Variants in CCDC69 observed in about 807,000 individuals in gnomAD.
CCDC69 encodes coiled-coil domain-containing protein 69.
CCDC69 carries 38 observed loss-of-function variants against 40.3 expected under a neutral mutation model. That is an observed-to-expected ratio of 0.94 (90% CI 0.73 to 1.24). CCDC69 has a LOEUF of 1.24. Among genes scored for constraint, CCDC69 ranks in the 50% most tolerant of loss-of-function variants. CCDC69 has a pLI of 0.00. For synonymous variants in CCDC69, 141 were observed against 138.9 expected, an observed-to-expected ratio of 1.02 and a Z score of -0.11; for missense variants, 389 against 357.9, an observed-to-expected ratio of 1.09 and a Z score of -0.70.
At chr5:151,222,066 T>G (rs1441278806) in intron 1 of CCDC69, among the ~76,000 whole-genome samples, 2 of 152,220 alleles carry the variant, frequency 1.3e-5, no homozygotes, top group Admixed American at 6.5e-5. Flanking sequence ...GCTAAAGTCA[T>G]CAAGAAGCCA....
chr5:151,211,231 G>A (rs1036644102), intron 1 of CCDC69: 1 of 152,244 alleles, frequency 6.6e-6, no homozygotes, highest in East Asian at 1.9e-4. Context: ...CTCCTGACCT[G>A]CCCTGGGGCG....
intron 2 of CCDC69, among the ~76,000 whole-genome samples, chr5:151,202,414 GC>G (rs962514106): frequency 6.6e-6 from 1 of 152,144 alleles, no homozygotes; most frequent in Non-Finnish European, 1.5e-5. Context: ...TAACTGGGAA[GC>G]TTTTACTTAA....
intron 2 of CCDC69, among the ~76,000 whole-genome samples, chr5:151,203,181 C>T (rs1037762616): frequency 6.6e-6 from 1 of 152,020 alleles, no homozygotes; most frequent in Non-Finnish European, 1.5e-5. Flanking sequence ...AGCAAATACT[C>T]CTAACTACCA....
At chr5:151,186,152 T>A in intron 5 of CCDC69, 28 bp from the exon 6 acceptor site, 1 of 1,493,778 alleles carries the variant, frequency 6.7e-7, no homozygotes, top group Non-Finnish European at 9.3e-7. Context: ...ATGGAGACAA[T>A]CAAAGCCTGC....
Position 151,183,342 on chromosome 5 carries a change from C to A in CCDC69, c.*95G>T. 7.1e-7 allele frequency: 1 copy of A among 1,410,284 alleles called. No homozygotes were observed. Among genetic ancestry groups the A allele is most frequent in the East Asian group, 2.4e-5 (1 of 40,846 alleles). 87.4% of individuals were successfully genotyped at this position (1,410,284 alleles called of 1,614,324 possible). On this transcript the variant is annotated 3_prime_UTR_variant, in exon 9 of 9. Coordinates refer to ENST00000355417, the MANE Select transcript of CCDC69 (RefSeq NM_015621.3). The stretch of plus-strand genomic sequence containing the variant: ...ATCTCGCTCCCACCCTCGTTCCTTC[C>A]TGGAAAAGAACTGAGAGGCTCCTGC...
At chr5:151,220,630 C>T (rs1753119642) in intron 1 of CCDC69, among the ~76,000 whole-genome samples, 1 of 152,162 alleles carries the variant, frequency 6.6e-6, no homozygotes, top group African/African-American at 2.4e-5. Flanking sequence ...CACCTGAGGC[C>T]CAGCTTTGGC....
At chr5:151,191,024 A>G (rs986245711) in intron 4 of CCDC69, among the ~76,000 whole-genome samples, 2 of 152,052 alleles carry the variant, frequency 1.3e-5, no homozygotes, top group African/African-American at 2.4e-5. Flanking sequence ...CATACCCCAA[A>G]CCTCAGCATC....
chr5:151,191,720 G>T (rs548528070), intron 4 of CCDC69, among the ~76,000 whole-genome samples: 2 of 152,292 alleles, frequency 1.3e-5, no homozygotes, highest in Non-Finnish European at 2.9e-5. Flanking sequence ...GAGTTTAGGA[G>T]AAAATTTATA....
At chr5:151,198,602 A>G (rs116784936) in intron 4 of CCDC69, among the ~76,000 whole-genome samples, 2,732 of 152,342 alleles carry the variant, frequency 0.018, 34 homozygotes, top group Middle Eastern at 0.071. Flanking sequence ...CTTTGGTGAT[A>G]TAAGAGGAAA....
At chr5:151,184,571 C>G in intron 7 of CCDC69, 130 bp from the exon 8 acceptor site, 1 of 574,980 alleles carries the variant, frequency 1.7e-6, no homozygotes, top group East Asian at 2.9e-5. Context: ...TTTCATGGAG[C>G]AATAAGGTAA....
intron 1 of CCDC69, among the ~76,000 whole-genome samples, chr5:151,222,509 C>T (rs1753148872): frequency 6.6e-6 from 1 of 152,234 alleles, no homozygotes; most frequent in African/African-American, 2.4e-5. Context: ...CTCTCAGATG[C>T]TTAGGGATCA....
At chr5:151,203,588 ATATTTATATATTAGTAAATATATATATT>A in intron 2 of CCDC69, among the ~76,000 whole-genome samples, 1 of 142,820 alleles carries the variant, frequency 7.0e-6, no homozygotes, top group African/African-American at 2.6e-5. Context: ...GTAAATATAT[ATATTTATATATTAGTAAATATATATATT>A]TAGTTATATA....
At chr5:151,192,666 G>A (rs762389244) in intron 4 of CCDC69, among the ~76,000 whole-genome samples, 7 of 152,134 alleles carry the variant, frequency 4.6e-5, no homozygotes, top group Non-Finnish European at 8.8e-5. Flanking sequence ...TTACTACATG[G>A]GGCAAGCTTT....
Position 151,183,522 on chromosome 5 carries a change from A to G in CCDC69, c.806T>C (p.Leu269Ser). The G allele has an allele frequency of 1.9e-6, 3 of 1,609,854 alleles. No individual in the cohort carries two copies. Among genetic ancestry groups the G allele is most frequent in the Non-Finnish European group, 1.7e-6 (2 of 1,178,700 alleles). Residue 269 changes from leucine (L) to serine (S), a missense_variant, in exon 9 of 9, where the codon TTG becomes TCG. Transcript: ENST00000355417. Reference sequence around the variant, plus strand: ...GGCATTGGCCCCAAGGACCCGGTACAACAGCTCCTCCTTCTCCTGCTGGAG... The same window carrying G: ...GGCATTGGCCCCAAGGACCCGGTACGACAGCTCCTCCTTCTCCTGCTGGAG... ...RQLQQEKEEL[L>S]YRVLGANASP...
rs248428 is a variant in CCDC69 at position 151,185,414 on chromosome 5, T to C, written c.615+8A>G. 726,400 of 1,611,780 alleles carry C rather than the reference T, an allele frequency of 0.45. 164,660 individuals carry two copies. Among genetic ancestry groups the C allele is most frequent in the Middle Eastern group, 0.47 (2,822 of 6,048 alleles). ...GGCTGCATCCCCCAGCCACTCCCAG[T>C]CACAGACCACTGTTTCCATGAGGAT... On this transcript the variant is annotated splice_region_variant and intron_variant, in intron 7 of 8. Coordinates refer to ENST00000355417, the MANE Select transcript of CCDC69 (RefSeq NM_015621.3).
chr5:151,201,143 G>A (rs555461683), intron 3 of CCDC69, among the ~76,000 whole-genome samples: 11 of 152,244 alleles, frequency 7.2e-5, no homozygotes, highest in African/African-American at 1.9e-4. Flanking sequence ...CTGATAGAGC[G>A]GCCATTACAA....
chr5:151,223,863 CG>C lies in CCDC69; in HGVS notation c.48+59del. On this transcript the variant is annotated intron_variant, in intron 1 of 8. Coordinates refer to ENST00000355417, the MANE Select transcript of CCDC69 (RefSeq NM_015621.3). Reference sequence around the variant, plus strand: ...GCCCGGGGCGCCGAGTCCTCTGCGGCGGAGCGATTCCGCACTCCCCTCTCCT... The same window carrying C: ...GCCCGGGGCGCCGAGTCCTCTGCGGCGAGCGATTCCGCACTCCCCTCTCCT... 3 of 1,532,560 alleles carry C rather than the reference CG, an allele frequency of 2.0e-6. No homozygotes were observed. The South Asian group carries it at 3.4e-5, about 18-fold the overall frequency. The allele number at this position is 1,532,560 out of a possible 1,614,324, so 94.9% of individuals were successfully genotyped here.
In CCDC69 at chr5:151,218,390, C is replaced by G. The variant is rs115695174; in HGVS notation, c.48+5533G>C. Among the ~76,000 whole-genome samples the G allele has an allele frequency of 3.6e-3, 546 of 152,316 alleles. 3 individuals carry two copies. The highest frequency in any genetic ancestry group is 0.013 in the African/African-American group (520 of 41,572). ...CTCACAGTGCTGAGGGAGGATGATGCAGAGGACCGAGTGCCAGCCGTGTGG... is the reference window on the plus strand; with the variant it reads ...CTCACAGTGCTGAGGGAGGATGATGGAGAGGACCGAGTGCCAGCCGTGTGG... On this transcript the variant is annotated intron_variant, in intron 1 of 8. Transcript: ENST00000355417.
chr5:151,207,013 C>A (rs999257563), intron 1 of CCDC69, among the ~76,000 whole-genome samples: 2 of 152,052 alleles, frequency 1.3e-5, no homozygotes, highest in Non-Finnish European at 2.9e-5. Context: ...GCAACCTCCA[C>A]CTCCTGGGTT....
Sources: allele counts gnomAD v4.1 joint callset (sites outside exome capture counted in the v4.1 genomes callset), GRCh38; gene constraint gnomAD v4.1.1; transcripts MANE v1.5; gene names NCBI Gene and HGNC (gene_info 2026-07-23, HGNC 2026-07-21).